HERC3: variants seen among roughly 807,000 people sequenced by gnomAD.
HERC3 encodes probable E3 ubiquitin-protein ligase HERC3.
A neutral mutation model predicts 129.9 loss-of-function variants in HERC3; 58 were observed. That is an observed-to-expected ratio of 0.45 (90% CI 0.36 to 0.56). HERC3 has a LOEUF of 0.56. HERC3 is among the 20% of genes least tolerant of loss of function. The probability of loss-of-function intolerance (pLI) is 0.00; values close to 1 mark genes in which losing one functional copy is unlikely to be tolerated. For missense variants in HERC3, 835 were observed against 1,244.2 expected (o/e 0.67, Z 4.95); for synonymous variants, 430 against 451.0 (o/e 0.95, Z 0.59).
chr4:88,583,029 A>G, the HERC3 span, among the ~76,000 whole-genome samples: 22 of 152,260 alleles, frequency 1.4e-4, no homozygotes, highest in Admixed American at 1.2e-3. Context: ...TTTATTGTCA[A>G]TTTATTTCAG....
At chr4:88,679,177 T>A (rs1164187465) in intron 19 of HERC3, among the ~76,000 whole-genome samples, 2 of 152,222 alleles carry the variant, frequency 1.3e-5, no homozygotes, top group Non-Finnish European at 2.9e-5. Context: ...TTTACAGAGT[T>A]TAACAGCTGG....
chr4:88,570,265 C>A, the HERC3 span, among the ~76,000 whole-genome samples: 4 of 152,122 alleles, frequency 2.6e-5, no homozygotes, highest in Admixed American at 2.6e-4. Flanking sequence ...TCATTTTTCT[C>A]AATAAAAAAT....
intron 3 of HERC3, among the ~76,000 whole-genome samples, chr4:88,630,600 A>G (rs1336397096): frequency 2.0e-5 from 3 of 152,254 alleles, no homozygotes; most frequent in Non-Finnish European, 2.9e-5. Flanking sequence ...TAAAGCATTC[A>G]TGATAGCATG....
chr4:88,649,737 C>T lies in HERC3; in HGVS notation c.227-103C>T, dbSNP rs1729073522. On this transcript the variant is annotated intron_variant, in intron 3 of 25. Coordinates refer to ENST00000402738, the MANE Select transcript of HERC3 (RefSeq NM_014606.3). ...CTATAAATATTCAGATTAAGTGGTT[C>T]TTGTTAAAAAATAAAACTGCCCAGG... 16 of 883,122 alleles carry T rather than the reference C, an allele frequency of 1.8e-5. 1 individual carries two copies. The South Asian group carries it at 2.8e-4, about 15-fold the overall frequency. 54.7% of individuals were successfully genotyped at this position (883,122 alleles called of 1,614,324 possible).
chr4:88,640,385 T>A (rs1338236871), intron 3 of HERC3, among the ~76,000 whole-genome samples: 1 of 152,214 alleles, frequency 6.6e-6, no homozygotes, highest in African/African-American at 2.4e-5. Flanking sequence ...CATGGAATCC[T>A]ATGCAGCCAT....
rs369484354 is a variant in HERC3 at position 88,686,824 on chromosome 4, T to TTAGGATTGTGGCTGTCTCTCTTACC, written c.2574+23_2574+47dup. On this transcript the variant is annotated intron_variant, in intron 22 of 25. Coordinates refer to ENST00000402738, the MANE Select transcript of HERC3 (RefSeq NM_014606.3). ...CACGGTAAGAATTTCCACAGTTTACTTAGGATTGTGGCTGTCTCTCTTACC... is the reference window on the plus strand; with the variant it reads ...CACGGTAAGAATTTCCACAGTTTACTTAGGATTGTGGCTGTCTCTCTTACCTAGGATTGTGGCTGTCTCTCTTACC... 2.1e-5 allele frequency: 32 copies of TTAGGATTGTGGCTGTCTCTCTTACC among 1,542,936 alleles called. No individual in the cohort carries two copies. In the Middle Eastern group the frequency reaches 6.7e-4, roughly 33 times the overall value.
intron 2 of HERC3, among the ~76,000 whole-genome samples, chr4:88,601,999 T>G (rs1332738050): frequency 8.3e-6 from 1 of 120,636 alleles, no homozygotes; most frequent in Non-Finnish European, 1.6e-5. Context: ...GAGCTTGCAG[T>G]GAGCCGAGAT....
chr4:88,540,030 C>A, the HERC3 span, among the ~76,000 whole-genome samples: 1 of 152,200 alleles, frequency 6.6e-6, no homozygotes, highest in Non-Finnish European at 1.5e-5. Flanking sequence ...AGCACCTCTT[C>A]TCCTCCAAAG....
the HERC3 span, among the ~76,000 whole-genome samples, chr4:88,546,326 T>G: frequency 6.6e-6 from 1 of 152,116 alleles, no homozygotes; most frequent in Non-Finnish European, 1.5e-5. Context: ...ACACTGCACC[T>G]CTGTTGGTCA....
intron 10 of HERC3, among the ~76,000 whole-genome samples, chr4:88,660,282 A>G (rs1298967814): frequency 6.6e-6 from 1 of 151,630 alleles, no homozygotes; most frequent in African/African-American, 2.4e-5. Context: ...GCTCACTGCA[A>G]CCTCCACCTC....
At chr4:88,542,370 C>T in the HERC3 span, among the ~76,000 whole-genome samples, 1 of 152,164 alleles carries the variant, frequency 6.6e-6, no homozygotes, top group African/African-American at 2.4e-5. Context: ...TGGACACATA[C>T]ACCCTCCCAA....
At chr4:88,635,892 C>T (rs1406437409) in intron 3 of HERC3, among the ~76,000 whole-genome samples, 4 of 152,044 alleles carry the variant, frequency 2.6e-5, no homozygotes, top group African/African-American at 9.7e-5. Context: ...TCATGTCTGG[C>T]CAAATTAAGC....
chr4:88,679,676 C>T (rs1732554374), intron 19 of HERC3, among the ~76,000 whole-genome samples: 1 of 152,020 alleles, frequency 6.6e-6, no homozygotes, highest in African/African-American at 2.4e-5. Flanking sequence ...CACCACCATG[C>T]CAGGCTCATT....
At chr4:88,663,023 GT>G (rs1315757153) in intron 11 of HERC3, among the ~76,000 whole-genome samples, 1 of 151,352 alleles carries the variant, frequency 6.6e-6, no homozygotes, top group African/African-American at 2.4e-5. Flanking sequence ...ACAACAGTAA[GT>G]AGGATTGAGA....
chr4:88,662,358 G>T (rs1730579728), intron 10 of HERC3, 73 bp from the exon 11 acceptor site: 1 of 1,419,162 alleles, frequency 7.0e-7, no homozygotes, highest in African/African-American at 1.4e-5. Flanking sequence ...TGGAGAATAT[G>T]TGGGAGAAAG....
At chr4:88,535,648 A>G in the HERC3 span, among the ~76,000 whole-genome samples, 2 of 152,138 alleles carry the variant, frequency 1.3e-5, no homozygotes, top group Non-Finnish European at 2.9e-5. Context: ...AGGGCATCCC[A>G]AGGCAGGAGG....
the HERC3 span, among the ~76,000 whole-genome samples, chr4:88,540,750 G>T: frequency 1.3e-5 from 2 of 152,188 alleles, no homozygotes; most frequent in Non-Finnish European, 2.9e-5. Context: ...AGATCTCTCG[G>T]CAGAAACTCT....
chr4:88,686,144 C>T lies in HERC3; in HGVS notation c.2508-592C>T, dbSNP rs117369866. Among the ~76,000 whole-genome samples, 81 of 151,832 alleles carry T rather than the reference C, an allele frequency of 5.3e-4. 1 individual carries two copies. In the East Asian group the frequency reaches 0.015, roughly 28 times the overall value. On this transcript the variant is annotated intron_variant, in intron 21 of 25. Coordinates refer to ENST00000402738, the MANE Select transcript of HERC3 (RefSeq NM_014606.3). ...ACAACTTCTTTTCCTCTCTCCATCTCTTAAAAAAAAAAAATTAGTGTGAGT... is the reference window on the plus strand; with the variant it reads ...ACAACTTCTTTTCCTCTCTCCATCTTTTAAAAAAAAAAAATTAGTGTGAGT...
chr4:88,635,558 AACC>A (rs951320161), intron 3 of HERC3, among the ~76,000 whole-genome samples: 1 of 152,198 alleles, frequency 6.6e-6, no homozygotes, highest in Non-Finnish European at 1.5e-5. Context: ...GGGAGAATGG[AACC>A]AAGTTGGAAA....
Sources: allele counts gnomAD v4.1 joint callset (sites outside exome capture counted in the v4.1 genomes callset), GRCh38; gene constraint gnomAD v4.1.1; transcripts MANE v1.5; gene names NCBI Gene and HGNC (gene_info 2026-07-23, HGNC 2026-07-21).